The following DIAPH3 variants were observed in gnomAD, a reference collection of about 807,000 sequenced individuals.
DIAPH3 encodes protein diaphanous homolog 3.
Under a neutral mutation model 144.3 loss-of-function variants are expected in DIAPH3, and 117 were observed. The ratio of observed to expected loss-of-function variants is 0.81; its 90% CI spans 0.70 to 0.95. The LOEUF (loss-of-function observed/expected upper bound fraction) is 0.95. Ranked by LOEUF, DIAPH3 falls within the 40% of genes least tolerant of loss-of-function variation. The pLI is 0.00. For synonymous variants in DIAPH3, 519 were observed against 488.9 expected, an observed-to-expected ratio of 1.06 and a Z score of -0.81; for missense variants, 1,421 against 1,412.7, an observed-to-expected ratio of 1.01 and a Z score of -0.09.
rs570092456 is a variant in DIAPH3 at position 59,834,417 on chromosome 13, G to A, written c.2863-1146C>T. On this transcript the variant is annotated intron_variant, in intron 23 of 27. Coordinates refer to ENST00000400324, the MANE Select transcript of DIAPH3 (RefSeq NM_001042517.2). ...AAAAAACAGTATTCAGGCAGGCCAAGAGAAAGAAGCTAAAAATGGAATTTT... is the reference window on the plus strand; with the variant it reads ...AAAAAACAGTATTCAGGCAGGCCAAAAGAAAGAAGCTAAAAATGGAATTTT... 3.4e-5 allele frequency among the ~76,000 whole-genome samples: 5 copies of A among 148,452 alleles called. 1 individual carries two copies. In the East Asian group the frequency reaches 9.9e-4, roughly 30 times the overall value.
chr13:59,678,653 A>G (rs1241023788), intron 27 of DIAPH3, among the ~76,000 whole-genome samples: 1 of 152,152 alleles, frequency 6.6e-6, no homozygotes, highest in African/African-American at 2.4e-5. Flanking sequence ...AATTCAGAAA[A>G]CATCTGTTCG....
intron 5 of DIAPH3, among the ~76,000 whole-genome samples, chr13:60,026,831 A>T (rs1566677441): frequency 6.6e-6 from 1 of 152,132 alleles, no homozygotes; most frequent in Non-Finnish European, 1.5e-5. Context: ...TCCTATAATG[A>T]TCTTATCTTT....
intron 9 of DIAPH3, among the ~76,000 whole-genome samples, chr13:60,007,226 A>C (rs2052933729): frequency 6.6e-6 from 1 of 151,490 alleles, no homozygotes; most frequent in African/African-American, 2.4e-5. Context: ...TAATTTTTGT[A>C]TTTTAGTAGA....
intron 5 of DIAPH3, among the ~76,000 whole-genome samples, chr13:60,023,986 G>T (rs536190786): frequency 8.0e-5 from 12 of 149,220 alleles, no homozygotes; most frequent in Non-Finnish European, 1.5e-4. Context: ...CTCCCAAGTA[G>T]CTGGGACTAC....
rs1421248161 is a variant in DIAPH3, at chr13:59,993,708, A to AAAAAAAAAC, written c.1015-1126_1015-1125insGTTTTTTTT. Among the ~76,000 whole-genome samples the AAAAAAAAAC allele has an allele frequency of 8.8e-5, 13 of 148,470 alleles. No homozygotes were observed. In the East Asian group the frequency reaches 1.9e-3, roughly 22 times the overall value. Reference sequence around the variant, plus strand: ...GGAAGAAGAGAAACATACTTAAAAAAAAAAAAAAAAAAAACTTAACAGAAT... The same window carrying AAAAAAAAAC: ...GGAAGAAGAGAAACATACTTAAAAAAAAAAAAAACAAAAAAAAAAAAAACTTAACAGAAT... On this transcript the variant is annotated intron_variant, in intron 9 of 27. Transcript: ENST00000400324.
chr13:59,761,730 A>G (rs144610892), intron 27 of DIAPH3, among the ~76,000 whole-genome samples: 125 of 152,326 alleles, frequency 8.2e-4, no homozygotes, highest in African/African-American at 2.7e-3. Context: ...AAAAATGATA[A>G]GCTGAGAGGT....
At chr13:59,708,783 C>A (rs922259074) in intron 27 of DIAPH3, among the ~76,000 whole-genome samples, 2 of 152,116 alleles carry the variant, frequency 1.3e-5, no homozygotes, top group African/African-American at 4.8e-5. Flanking sequence ...TGACCTGTCT[C>A]TGGAATGCAT....
At chr13:60,146,614 C>A (rs956536927) in intron 1 of DIAPH3, among the ~76,000 whole-genome samples, 4 of 152,150 alleles carry the variant, frequency 2.6e-5, no homozygotes, top group Non-Finnish European at 5.9e-5. Context: ...GTCTATATTG[C>A]AGTCTGGTTA....
At position 60,162,375 on chromosome 13, in the gene DIAPH3, T is replaced by C. The variant is rs1252279655; in HGVS notation, c.180+1212A>G. 4.6e-5 allele frequency among the ~76,000 whole-genome samples: 7 copies of C among 152,140 alleles called. No individual in the cohort carries two copies. The East Asian group carries it at 7.7e-4, about 17-fold the overall frequency. The stretch of plus-strand genomic sequence containing the variant: ...GATTATTAACCCAGAGAGTAGACTA[T>C]AAAAGGAAGAAAAGTCATTGCCTTA... On this transcript the variant is annotated intron_variant, in intron 1 of 27. Transcript: ENST00000400324.
intron 5 of DIAPH3, among the ~76,000 whole-genome samples, chr13:60,019,024 C>A (rs1241526842): frequency 6.6e-6 from 1 of 152,062 alleles, no homozygotes; most frequent in Non-Finnish European, 1.5e-5. Context: ...TCACCCTCAC[C>A]CCTACTATTT....
chr13:59,967,488 T>A (rs1174530386), intron 17 of DIAPH3, among the ~76,000 whole-genome samples: 1 of 152,134 alleles, frequency 6.6e-6, no homozygotes, highest in East Asian at 1.9e-4. Flanking sequence ...AGGCCATGAA[T>A]AAAAGACCAC....
At chr13:59,953,792 T>C (rs144656214) in intron 17 of DIAPH3, among the ~76,000 whole-genome samples, 266 of 152,286 alleles carry the variant, frequency 1.7e-3, no homozygotes, top group African/African-American at 5.9e-3. Flanking sequence ...TATGTGTGCA[T>C]ACAAAGTATA....
intron 22 of DIAPH3, among the ~76,000 whole-genome samples, chr13:59,847,323 A>T (rs556386848): frequency 6.6e-6 from 1 of 152,322 alleles, no homozygotes; most frequent in Admixed American, 6.5e-5. Context: ...TTCATCTGCT[A>T]TGGAACATGG....
rs548040658 is a variant in DIAPH3, at chr13:59,921,404, C to T, written c.2170+3371G>A. 2.7e-5 allele frequency among the ~76,000 whole-genome samples: 4 copies of T among 150,884 alleles called. No homozygotes were observed. The South Asian group carries it at 6.3e-4, about 24-fold the overall frequency. On this transcript the variant is annotated intron_variant, in intron 18 of 27. Transcript: ENST00000400324. ...AAATGAAAAGATATTACAACTGACA[C>T]CACAAAAATAAAAAAAGAATTATAT...
intron 27 of DIAPH3, among the ~76,000 whole-genome samples, chr13:59,683,567 A>G (rs2033056916): frequency 6.6e-6 from 1 of 152,200 alleles, no homozygotes; most frequent in Admixed American, 6.5e-5. Flanking sequence ...AGGAAATAAA[A>G]AGGAAGCTAT....
intron 18 of DIAPH3, among the ~76,000 whole-genome samples, chr13:59,918,139 T>C (rs1013821320): frequency 2.8e-5 from 4 of 142,502 alleles, no homozygotes; most frequent in African/African-American, 1.1e-4. Flanking sequence ...CTAAAAAAGA[T>C]ACATTGATTA....
At chr13:60,016,013 AATT>A (rs2053618488) in intron 6 of DIAPH3, 31 bp from the exon 7 acceptor site, 8 of 1,610,786 alleles carry the variant, frequency 5.0e-6, no homozygotes, top group Non-Finnish European at 5.9e-6. Context: ...GCAGTGTTGG[AATT>A]ATAATTGGAC....
chr13:60,023,434 GA>G, intron 5 of DIAPH3, among the ~76,000 whole-genome samples: 1 of 151,278 alleles, frequency 6.6e-6, no homozygotes, highest in Admixed American at 6.6e-5. Flanking sequence ...TTGGTTTTCA[GA>G]ACTTTTTTTT....
intron 4 of DIAPH3, among the ~76,000 whole-genome samples, chr13:60,086,179 A>G (rs1478768033): frequency 1.3e-5 from 2 of 152,152 alleles, no homozygotes; most frequent in Non-Finnish European, 2.9e-5. Context: ...TAAAAAAAGA[A>G]AAGATGATCA....
Sources: allele counts gnomAD v4.1 joint callset (sites outside exome capture counted in the v4.1 genomes callset), GRCh38; gene constraint gnomAD v4.1.1; transcripts MANE v1.5; gene names NCBI Gene and HGNC (gene_info 2026-07-23, HGNC 2026-07-21).